SLC44A2: variants seen among roughly 807,000 people sequenced by gnomAD.
The protein encoded by SLC44A2 is choline transporter-like protein 2.
In SLC44A2, 57 loss-of-function variants were observed where a neutral mutation model predicts 90.8. The ratio of observed to expected loss-of-function variants is 0.63; its 90% CI spans 0.51 to 0.78. The LOEUF (loss-of-function observed/expected upper bound fraction) is 0.78, where lower values mean the gene tolerates loss of function less well. SLC44A2 is among the 30% of genes least tolerant of loss of function. The probability of loss-of-function intolerance (pLI) is 0.00; values close to 1 mark genes in which losing one functional copy is unlikely to be tolerated. For missense variants in SLC44A2, 794 were observed against 919.7 expected (o/e 0.86, Z 1.77); for synonymous variants, 355 against 360.7 (o/e 0.98, Z 0.18).
In SLC44A2 at chr19:10,606,936, G is replaced by A. The variant is rs553755052; in HGVS notation, c.31+4375G>A. Among the ~76,000 whole-genome samples the A allele has an allele frequency of 3.4e-5, 5 of 145,860 alleles. No homozygotes were observed. In the South Asian group the frequency reaches 1.1e-3, roughly 32 times the overall value. On this transcript the variant is annotated intron_variant, in intron 1 of 21. Coordinates refer to the SLC44A2 transcript ENST00000407327. ...ATTTTTTTTTTTTTTTTTTGAGACG[G>A]AGTCTCGCTCTGTCGCCCAGGCTGG... is the stretch of plus-strand genomic sequence containing the variant.
intron 16 of SLC44A2, 154 bp downstream of exon 16, chr19:10,636,910 G>A: frequency 2.6e-6 from 2 of 775,002 alleles, no homozygotes; most frequent in South Asian, 3.7e-5. Context: ...GAGTTGGCGT[G>A]ATTGAGTCCT....
chr19:10,643,282 A>C lies in SLC44A2; in HGVS notation c.2018A>C (p.Glu673Ala). ...GCTCTGGGACCTCTCTCCACAGTGG[A>C]GGACCTGGAGAGGAATGACGGCTCG... ...CVDTLFLCFL[E>A]DLERNDGSAE... Residue 673 changes from glutamate (E) to alanine (A), a missense_variant, in exon 22 of 22, where the codon GAG (glutamate) becomes GCG (alanine). This residue lies in a region of SLC44A2 where 44 missense variants were observed against 43.9 expected (regional missense o/e 1.00). Transcript: ENST00000335757. The C allele has an allele frequency of 6.2e-7, 1 of 1,610,404 alleles. No individual in the cohort carries two copies.
chr19:10,610,175 T>C (rs903278430), intron 1 of SLC44A2, among the ~76,000 whole-genome samples: 2 of 151,908 alleles, frequency 1.3e-5, no homozygotes, highest in Non-Finnish European at 2.9e-5. Flanking sequence ...AGAATGGCTC[T>C]TATATTTTTA....
chr19:10,602,503 G>A (rs528348832), upstream of SLC44A2: 32 of 1,256,798 alleles, frequency 2.5e-5, no homozygotes, highest in Non-Finnish European at 3.0e-5. Flanking sequence ...GCGCTGGCTC[G>A]GACTCCGCTC....
intron 14 of SLC44A2, chr19:10,635,837 G>C (rs1432691152): frequency 3.7e-6 from 1 of 272,182 alleles, no homozygotes; most frequent in Non-Finnish European, 7.0e-6. Flanking sequence ...GGAGTGCAGT[G>C]GCATGATCTC....
intron 1 of SLC44A2, among the ~76,000 whole-genome samples, chr19:10,609,063 T>C (rs1177365765): frequency 6.7e-6 from 1 of 149,928 alleles, no homozygotes; most frequent in African/African-American, 2.5e-5. Context: ...GTTCAAGCGA[T>C]TCTTCTGCCT....
chr19:10,632,254 A>G, intron 10 of SLC44A2, 98 bp downstream of exon 10: 1 of 1,142,084 alleles, frequency 8.8e-7, no homozygotes, highest in Admixed American at 1.9e-5. Context: ...AAAAAAAGTC[A>G]GGCCGGGCGT....
At chr19:10,620,866 A>T (rs190558811), upstream of SLC44A2, among the ~76,000 whole-genome samples, 8 of 152,138 alleles carry the variant, frequency 5.3e-5, no homozygotes, top group East Asian at 1.5e-3. Context: ...ATAGCGAGAC[A>T]CTGGTCTACA....
rs2144859201 is a variant in SLC44A2 at position 10,631,551 on chromosome 19, C to T, written c.502+16C>T. 1 of 1,613,988 alleles carries T rather than the reference C, an allele frequency of 6.2e-7. No homozygotes were observed. The highest frequency in any genetic ancestry group is 8.5e-7 in the Non-Finnish European group (1 of 1,180,004). ...AGCAAACCCTGTGAGTCAGGGGATC[C>T]CAGGAGGCTCAGGTGGTGACGGGGA... On this transcript the variant is annotated intron_variant, in intron 7 of 21. Coordinates refer to ENST00000335757, the MANE Select transcript of SLC44A2 (RefSeq NM_020428.4).
chr19:10,612,957 G>A (rs1918348992), intron 1 of SLC44A2, among the ~76,000 whole-genome samples: 1 of 152,248 alleles, frequency 6.6e-6, no homozygotes, highest in Non-Finnish European at 1.5e-5. Flanking sequence ...CTCCTCACCA[G>A]CTGTGTGGCC....
intron 21 of SLC44A2, 59 bp from the exon 22 acceptor site, chr19:10,643,220 T>C (rs372923586): frequency 5.1e-6 from 8 of 1,557,468 alleles, no homozygotes; most frequent in African/African-American, 2.7e-5. Flanking sequence ...TACCCTGTCC[T>C]TGAGGCCCCT....
chr19:10,618,828 C>T (rs2066876758), intron 1 of SLC44A2, among the ~76,000 whole-genome samples: 1 of 151,910 alleles, frequency 6.6e-6, no homozygotes, highest in African/African-American at 2.4e-5. Context: ...CCTGCTTCAG[C>T]CTCCCAAAGT....
At chr19:10,626,101 T>G (rs2066930429) in intron 1 of SLC44A2, 152 bp from the exon 2 acceptor site, 2 of 685,802 alleles carry the variant, frequency 2.9e-6, no homozygotes, top group African/African-American at 1.8e-5. Context: ...TGTGGTCACC[T>G]GGAGGTGGGT....
chr19:10,632,074 C>T lies in SLC44A2; in HGVS notation c.741C>T (p.Leu247=). 11 of 1,614,116 alleles carry T rather than the reference C, an allele frequency of 6.8e-6. No homozygotes were observed. Among genetic ancestry groups the T allele is most frequent in the Non-Finnish European group, 9.3e-6 (11 of 1,180,024 alleles). The change falls in exon 10 of 22, where the codon CTC becomes CTT. Residue 247 remains leucine (L), a synonymous_variant. Transcript: ENST00000335757. ...TGGTCATTGCCATGGCGATGAGCCT[C>T]CTGTTCATCATCCTGCTTCGCTTCC... is the stretch of plus-strand genomic sequence containing the variant. ...IGLVIAMAMS[L]LFIILLRFLA...
At chr19:10,619,177 C>A (rs2066879325) in intron 1 of SLC44A2, among the ~76,000 whole-genome samples, 1 of 151,560 alleles carries the variant, frequency 6.6e-6, no homozygotes, top group Non-Finnish European at 1.5e-5. Flanking sequence ...CATCTGTAAT[C>A]CCAGCACTTT....
At chr19:10,633,217 T>G (rs2067016277) in intron 10 of SLC44A2, among the ~76,000 whole-genome samples, 1 of 152,082 alleles carries the variant, frequency 6.6e-6, no homozygotes. Flanking sequence ...CAGGCTGGCG[T>G]GCAGTGGTGC....
At chr19:10,609,936 G>A (rs1419505194) in intron 1 of SLC44A2, among the ~76,000 whole-genome samples, 5 of 152,048 alleles carry the variant, frequency 3.3e-5, no homozygotes, top group Admixed American at 2.6e-4. Context: ...CTCCCGAATA[G>A]CTGGGATTAT....
intron 1 of SLC44A2, among the ~76,000 whole-genome samples, chr19:10,617,689 C>T (rs1014852467): frequency 6.6e-6 from 1 of 152,198 alleles, no homozygotes; most frequent in Non-Finnish European, 1.5e-5. Context: ...ACGGACCGCT[C>T]AAGTGACTAG....
intron 20 of SLC44A2, 105 bp downstream of exon 20, chr19:10,638,420 A>G: frequency 9.3e-7 from 1 of 1,079,198 alleles, no homozygotes; most frequent in East Asian, 2.4e-5. Flanking sequence ...GAGGTGGGGA[A>G]TTGATTATTT....
Sources: allele counts gnomAD v4.1 joint callset (sites outside exome capture counted in the v4.1 genomes callset), GRCh38; gene constraint gnomAD v4.1.1; regional missense constraint gnomAD v4.1.1; transcripts MANE v1.5; gene names NCBI Gene and HGNC (gene_info 2026-07-23, HGNC 2026-07-21).